The following SEMA6D variants were observed in gnomAD, a reference collection of about 807,000 sequenced individuals.
SEMA6D encodes the protein semaphorin-6D.
SEMA6D carries 35 observed loss-of-function variants against 106.6 expected under a neutral mutation model. The ratio of observed to expected loss-of-function variants is 0.33; its 90% CI spans 0.25 to 0.44. The LOEUF is 0.44. Among genes scored for constraint, SEMA6D ranks in the 20% least tolerant of loss-of-function variants. SEMA6D has a pLI of 1.00. For missense variants in SEMA6D, 1,185 were observed against 1,345.9 expected (o/e 0.88, Z 1.87); for synonymous variants, 499 against 487.7 (o/e 1.02, Z -0.31).
intron 1 of SEMA6D, among the ~76,000 whole-genome samples, chr15:47,222,220 A>C (rs2031270474): frequency 6.6e-6 from 1 of 152,200 alleles, no homozygotes; most frequent in Admixed American, 6.5e-5. Flanking sequence ...TTAGGAATAG[A>C]CATCCTACAG....
Position 47,771,919 on chromosome 15 carries a change from C to A in SEMA6D, c.*134C>A. Reference sequence around the variant, plus strand: ...AAGTGGCCAAAGAAACTCTTTCTAACTTTGGCAACATCAGAACTTGCCACA... The same window carrying A: ...AAGTGGCCAAAGAAACTCTTTCTAAATTTGGCAACATCAGAACTTGCCACA... On this transcript the variant is annotated 3_prime_UTR_variant, in exon 19 of 19. Coordinates refer to ENST00000536845, the MANE Select transcript of SEMA6D (RefSeq NM_001358351.3). The A allele has an allele frequency of 1.1e-6, 1 of 950,978 alleles. No homozygotes were observed. The highest frequency in any genetic ancestry group is 1.6e-6 in the Non-Finnish European group (1 of 634,612). 58.9% of individuals were successfully genotyped at this position (950,978 alleles called of 1,614,324 possible). A position where few individuals can be genotyped will look rare whatever the true frequency, so the allele number is the denominator to read the frequency against.
At chr15:47,577,716 C>G (rs938074509) in intron 3 of SEMA6D, among the ~76,000 whole-genome samples, 1 of 152,190 alleles carries the variant, frequency 6.6e-6, no homozygotes, top group African/African-American at 2.4e-5. Context: ...TTTGCTTTCC[C>G]TCCCTTACCA....
intron 1 of SEMA6D, among the ~76,000 whole-genome samples, chr15:47,360,492 A>C (rs928829789): frequency 7.2e-5 from 11 of 152,250 alleles, no homozygotes; most frequent in Non-Finnish European, 2.9e-5. Context: ...CAGTCACCAC[A>C]TGTGATTAAT....
At chr15:47,300,624 T>G (rs2035984381) in intron 1 of SEMA6D, among the ~76,000 whole-genome samples, 1 of 152,196 alleles carries the variant, frequency 6.6e-6, no homozygotes, top group Non-Finnish European at 1.5e-5. Flanking sequence ...AGGCTCCCAT[T>G]CTGGTACTCA....
At chr15:47,695,947 A>T (rs990636819) in intron 4 of SEMA6D, among the ~76,000 whole-genome samples, 1 of 152,200 alleles carries the variant, frequency 6.6e-6, no homozygotes, top group African/African-American at 2.4e-5. Context: ...TTTAGTACAC[A>T]TTTAAAACAT....
intron 2 of SEMA6D, among the ~76,000 whole-genome samples, chr15:47,454,777 C>T (rs193123504): frequency 1.4e-4 from 21 of 152,030 alleles, no homozygotes; most frequent in East Asian, 5.8e-4. Context: ...CCTTTTAAAA[C>T]GCAGATGCTT....
chr15:47,451,007 G>A (rs2042174148), intron 2 of SEMA6D, among the ~76,000 whole-genome samples: 1 of 152,020 alleles, frequency 6.6e-6, no homozygotes, highest in Admixed American at 6.6e-5. Context: ...AGAACAAAGT[G>A]TTATAAAAGG....
At chr15:47,398,451 G>T (rs1285324490) in intron 1 of SEMA6D, among the ~76,000 whole-genome samples, 1 of 152,186 alleles carries the variant, frequency 6.6e-6, no homozygotes, top group South Asian at 2.1e-4. Flanking sequence ...GGGTAGGACC[G>T]CAGGTCGTAG....
At chr15:47,518,073 A>G (rs1205126379) in intron 3 of SEMA6D, among the ~76,000 whole-genome samples, 1 of 152,212 alleles carries the variant, frequency 6.6e-6, no homozygotes, top group African/African-American at 2.4e-5. Context: ...TTAAATGTTG[A>G]TAATGATAGA....
At chr15:47,377,398 G>A (rs2039486219) in intron 1 of SEMA6D, among the ~76,000 whole-genome samples, 1 of 152,134 alleles carries the variant, frequency 6.6e-6, no homozygotes, top group African/African-American at 2.4e-5. Context: ...GTAGCTGCTT[G>A]TAAGCACCTC....
chr15:47,409,867 T>C (rs1221738096), intron 1 of SEMA6D, among the ~76,000 whole-genome samples: 1 of 148,058 alleles, frequency 6.8e-6, no homozygotes, highest in Non-Finnish European at 1.5e-5. Context: ...CACAAGTAAA[T>C]TCATAAAATT....
At chr15:47,432,631 C>T (rs976230899) in intron 2 of SEMA6D, among the ~76,000 whole-genome samples, 2 of 56,894 alleles carry the variant, frequency 3.5e-5, no homozygotes, top group African/African-American at 6.0e-5. Context: ...AGTAAGTACT[C>T]AGCCCAAAAA....
chr15:47,730,437 A>G (rs977122378), intron 1 of SEMA6D: 3 of 1,416,222 alleles, frequency 2.1e-6, no homozygotes, highest in Non-Finnish European at 3.0e-6. Flanking sequence ...GCAGGCAAGA[A>G]GACAACCAGC....
At chr15:47,254,913 G>GTGTGTCCT (rs1203388781) in intron 1 of SEMA6D, among the ~76,000 whole-genome samples, 1 of 151,124 alleles carries the variant, frequency 6.6e-6, no homozygotes, top group Non-Finnish European at 1.5e-5. Context: ...GTGTGTGTGT[G>GTGTGTCCT]TGTCCTTGTC....
chr15:47,352,804 A>G (rs1323306666), intron 1 of SEMA6D, among the ~76,000 whole-genome samples: 2 of 152,184 alleles, frequency 1.3e-5, no homozygotes, highest in African/African-American at 4.8e-5. Flanking sequence ...TACTCCCAGT[A>G]TTGGATATAT....
chr15:47,262,270 T>G (rs2034110528), intron 1 of SEMA6D, among the ~76,000 whole-genome samples: 1 of 152,116 alleles, frequency 6.6e-6, no homozygotes, highest in Non-Finnish European at 1.5e-5. Context: ...CCAAAGCAAT[T>G]TATAGGTTCA....
intron 1 of SEMA6D, among the ~76,000 whole-genome samples, chr15:47,217,823 CAAAT>C (rs1483456746): frequency 6.7e-6 from 1 of 150,036 alleles, no homozygotes; most frequent in African/African-American, 2.4e-5. Flanking sequence ...CACATACACA[CAAAT>C]ACATGCATAT....
intron 3 of SEMA6D, among the ~76,000 whole-genome samples, chr15:47,575,496 G>C (rs138289147): frequency 2.0e-4 from 31 of 152,282 alleles, no homozygotes; most frequent in African/African-American, 7.2e-4. Flanking sequence ...GAGGTGGGCA[G>C]ATCACGAGGT....
intron 1 of SEMA6D, among the ~76,000 whole-genome samples, chr15:47,380,773 A>T (rs551237544): frequency 6.6e-5 from 10 of 152,344 alleles, no homozygotes; most frequent in African/African-American, 2.4e-4. Context: ...CAGTGATATA[A>T]TAAGTCAGTT....
Sources: allele counts gnomAD v4.1 joint callset (sites outside exome capture counted in the v4.1 genomes callset), GRCh38; gene constraint gnomAD v4.1.1; transcripts MANE v1.5; gene names NCBI Gene and HGNC (gene_info 2026-07-23, HGNC 2026-07-21).